The following KCNH1 variants were observed in gnomAD, a reference collection of about 807,000 sequenced individuals.
KCNH1 encodes potassium voltage-gated channel subfamily H member 1, also known as voltage-gated delayed rectifier potassium channel KCNH1.
KCNH1 carries 27 observed loss-of-function variants against 69.2 expected under a neutral mutation model. That is an observed-to-expected ratio of 0.39 (90% CI 0.29 to 0.54). The LOEUF is 0.54. KCNH1 is among the 20% of genes least tolerant of loss of function. The pLI is 0.68. For missense variants in KCNH1, 798 were observed against 1,261.6 expected, an observed-to-expected ratio of 0.63 and a Z score of 5.57; for synonymous variants, 456 against 487.7, an observed-to-expected ratio of 0.93 and a Z score of 0.86.
At chr1:211,108,866 TGCC>T (rs1228766156) in intron 1 of KCNH1, among the ~76,000 whole-genome samples, 1 of 152,196 alleles carries the variant, frequency 6.6e-6, no homozygotes, top group African/African-American at 2.4e-5. Flanking sequence ...TGTTCTTGAG[TGCC>T]AACAGGTGCC....
At chr1:210,955,882 A>T (rs1246199779) in intron 6 of KCNH1, among the ~76,000 whole-genome samples, 1 of 152,146 alleles carries the variant, frequency 6.6e-6, no homozygotes, top group African/African-American at 2.4e-5. Flanking sequence ...TTCCTAATTG[A>T]ATACCCTTTA....
chr1:210,683,282 C>T lies in KCNH1; in HGVS notation c.2969G>A (p.Ter990=). ...ESERDIFGAS[*] Reference sequence around the variant, plus strand: ...TGACTTTTTTTTTAAATAGACCTCTCAGCTGGCTCCAAAAATGTCTCTCTC... The same window carrying T: ...TGACTTTTTTTTTAAATAGACCTCTTAGCTGGCTCCAAAAATGTCTCTCTC... Residue 990 remains the stop codon, a stop_retained_variant, in exon 11 of 11, where the codon TGA becomes TAA. Coordinates refer to ENST00000271751, the MANE Select transcript of KCNH1 (RefSeq NM_172362.3). The surrounding 1 kb of genome is among the most constrained non-coding windows in gnomAD (Gnocchi z 5.7). 1.2e-6 allele frequency: 2 copies of T among 1,612,538 alleles called. No homozygotes were observed. Among genetic ancestry groups the T allele is most frequent in the Non-Finnish European group, 1.7e-6 (2 of 1,179,268 alleles).
intron 6 of KCNH1, among the ~76,000 whole-genome samples, chr1:210,982,780 C>T (rs370989142): frequency 4.6e-5 from 7 of 152,238 alleles, no homozygotes; most frequent in South Asian, 2.1e-4. Context: ...TTTGGGTATA[C>T]ACCCAGTAAT....
At chr1:210,828,155 T>C (rs1217016871) in intron 7 of KCNH1, among the ~76,000 whole-genome samples, 1 of 152,124 alleles carries the variant, frequency 6.6e-6, no homozygotes, top group Non-Finnish European at 1.5e-5. Flanking sequence ...AGTTTTCTTA[T>C]ATATAAAATG....
At chr1:210,703,129 A>G (rs1297045501) in intron 10 of KCNH1, among the ~76,000 whole-genome samples, 1 of 152,218 alleles carries the variant, frequency 6.6e-6, no homozygotes, top group African/African-American at 2.4e-5. Context: ...TAAAATAAAA[A>G]TAAATTTGGG....
intron 10 of KCNH1, among the ~76,000 whole-genome samples, chr1:210,710,527 CAA>C (rs1431067045): frequency 6.6e-6 from 1 of 152,130 alleles, no homozygotes; most frequent in East Asian, 1.9e-4. Context: ...TACAATGTAA[CAA>C]TGGCTATGAT....
chr1:211,050,549 A>G (rs1259780086), intron 5 of KCNH1, among the ~76,000 whole-genome samples: 1 of 152,208 alleles, frequency 6.6e-6, no homozygotes, highest in African/African-American at 2.4e-5. Flanking sequence ...CCCACATGAC[A>G]CCGTCACAAA....
chr1:210,904,170 T>C (rs762468111), intron 7 of KCNH1, among the ~76,000 whole-genome samples: 34 of 152,242 alleles, frequency 2.2e-4, no homozygotes, highest in Non-Finnish European at 7.3e-5. Context: ...CATTAAGTTA[T>C]GAGTGTGAGA....
chr1:210,717,926 G>A (rs1225982768), intron 10 of KCNH1, among the ~76,000 whole-genome samples: 1 of 152,096 alleles, frequency 6.6e-6, no homozygotes, highest in African/African-American at 2.4e-5. Flanking sequence ...GGCCAACATA[G>A]TGAAACCCCA....
chr1:211,041,567 C>T (rs191825426), intron 5 of KCNH1, among the ~76,000 whole-genome samples: 8 of 152,322 alleles, frequency 5.3e-5, no homozygotes, highest in Admixed American at 2.0e-4. Flanking sequence ...CTCAAATTCA[C>T]ATATCATACA....
At chr1:211,087,385 AAG>A (rs1690972651) in intron 4 of KCNH1, among the ~76,000 whole-genome samples, 1 of 152,164 alleles carries the variant, frequency 6.6e-6, no homozygotes, top group African/African-American at 2.4e-5. Flanking sequence ...GAGCAATATA[AAG>A]AGAGAAAATT....
chr1:210,772,203 C>T (rs557535940), intron 10 of KCNH1, among the ~76,000 whole-genome samples: 21 of 152,288 alleles, frequency 1.4e-4, no homozygotes, highest in African/African-American at 4.6e-4. Flanking sequence ...AGAGATTGAA[C>T]GGTTACCAAG....
At chr1:211,116,344 T>C (rs1262100406) in intron 1 of KCNH1, among the ~76,000 whole-genome samples, 1 of 152,096 alleles carries the variant, frequency 6.6e-6, no homozygotes, top group African/African-American at 2.4e-5. Flanking sequence ...ACTTCTGCAG[T>C]AGTCTTTAAT....
chr1:211,010,074 T>C (rs1298627881), intron 6 of KCNH1, among the ~76,000 whole-genome samples: 1 of 152,182 alleles, frequency 6.6e-6, no homozygotes, highest in African/African-American at 2.4e-5. Flanking sequence ...CCACGTGAGC[T>C]GAAGTCAATC....
intron 7 of KCNH1, among the ~76,000 whole-genome samples, chr1:210,896,310 G>T (rs964504349): frequency 1.3e-5 from 2 of 151,840 alleles, no homozygotes; most frequent in African/African-American, 4.8e-5. Context: ...AAAAAAAAAT[G>T]TTACTGACAA....
At chr1:211,068,636 C>A (rs183521767) in intron 5 of KCNH1, among the ~76,000 whole-genome samples, 1 of 152,286 alleles carries the variant, frequency 6.6e-6, no homozygotes, top group East Asian at 1.9e-4. Context: ...CCTTGTGATC[C>A]ACCTGCCTCA....
chr1:210,806,162 A>G (rs906443192), intron 7 of KCNH1, among the ~76,000 whole-genome samples: 2 of 152,236 alleles, frequency 1.3e-5, no homozygotes, highest in Non-Finnish European at 2.9e-5. Context: ...AAGTAACTGC[A>G]CCACTTTACA....
At chr1:210,998,231 G>A (rs930232048) in intron 6 of KCNH1, among the ~76,000 whole-genome samples, 1 of 152,190 alleles carries the variant, frequency 6.6e-6, no homozygotes, top group Admixed American at 6.5e-5. Flanking sequence ...TGGACAAAGA[G>A]TCAAGACCTA....
At chr1:210,811,395 G>C (rs1436909918) in intron 7 of KCNH1, among the ~76,000 whole-genome samples, 1 of 152,130 alleles carries the variant, frequency 6.6e-6, no homozygotes, top group African/African-American at 2.4e-5. Flanking sequence ...TGGGAGCTCT[G>C]TTGCAAATCA....
Sources: allele counts gnomAD v4.1 joint callset (sites outside exome capture counted in the v4.1 genomes callset), GRCh38; gene constraint gnomAD v4.1.1; non-coding constraint Gnocchi (gnomAD v3.1); transcripts MANE v1.5; gene names NCBI Gene and HGNC (gene_info 2026-07-23, HGNC 2026-07-21).